ZFPM1: variants seen among roughly 807,000 people sequenced by gnomAD.
ZFPM1 encodes the protein zinc finger protein, FOG family member 1, also known as zinc finger protein ZFPM1.
ZFPM1 carries 28 observed loss-of-function variants against 46.3 expected under a neutral mutation model. The observed-to-expected ratio is 0.60, with a 90% CI of 0.45 to 0.83. The LOEUF (loss-of-function observed/expected upper bound fraction) is 0.83, where lower values mean the gene tolerates loss of function less well. Ranked by LOEUF, ZFPM1 falls within the 40% of genes least tolerant of loss-of-function variation. The pLI, the probability that ZFPM1 is intolerant of heterozygous loss-of-function variation, is 0.00. For missense variants in ZFPM1, 1,878 were observed against 1,432.4 expected (o/e 1.31, Z -5.02); for synonymous variants, 957 against 675.9 (o/e 1.42, Z -6.45).
At chr16:88,478,034 A>T (rs1908762226) in intron 1 of ZFPM1, among the ~76,000 whole-genome samples, 1 of 151,836 alleles carries the variant, frequency 6.6e-6, no homozygotes, top group Non-Finnish European at 1.5e-5. Context: ...CGAGCTCCCC[A>T]TGGCAGGGTG....
chr16:88,534,224 CCCCCCCCGCCGCCCGGCCACG>C lies in ZFPM1; in HGVS notation c.2272_2292del (p.Pro758_Pro764del). On this transcript the variant is annotated inframe_deletion, in exon 10 of 10. Transcript: ENST00000319555. ...CGAGCTGCACGCGGCCGGCGCCCCGCCCCCCCCGCCGCCCGGCCACGCCCCCGCGCCCGAGTCGCCGCGGCC... is the reference window on the plus strand; with the variant it reads ...CGAGCTGCACGCGGCCGGCGCCCCGCCCCCCGCGCCCGAGTCGCCGCGGCC... 1.0e-6 allele frequency: 1 copy of C among 976,884 alleles called. No homozygotes were observed. The highest frequency in any genetic ancestry group is 1.2e-6 in the Non-Finnish European group (1 of 825,184). 60.5% of individuals were successfully genotyped at this position (976,884 alleles called of 1,614,324 possible). A position where few individuals can be genotyped will look rare whatever the true frequency, so the allele number is the denominator to read the frequency against.
rs999035723 is a variant in ZFPM1, at chr16:88,497,079, A to G, written c.268+7926A>G. Among the ~76,000 whole-genome samples, 13 of 152,220 alleles carry G rather than the reference A, an allele frequency of 8.5e-5. No homozygotes were observed. The highest frequency in any genetic ancestry group is 2.9e-4 in the African/African-American group (12 of 41,460). Reference sequence around the variant, plus strand: ...GACCTGGAGCTCTCCCAGGACCACTATGGACAAGGTGAATTCCAGCTGATC... The same window carrying G: ...GACCTGGAGCTCTCCCAGGACCACTGTGGACAAGGTGAATTCCAGCTGATC... On this transcript the variant is annotated intron_variant, in intron 3 of 9. Coordinates refer to ENST00000319555, the MANE Select transcript of ZFPM1 (RefSeq NM_153813.3). This position sits in a 1 kb window ranked among gnomAD's most constrained non-coding sequence, Gnocchi z 5.4.
intron 2 of ZFPM1, among the ~76,000 whole-genome samples, chr16:88,488,355 G>A (rs534462947): frequency 7.9e-5 from 12 of 152,230 alleles, no homozygotes; most frequent in Non-Finnish European, 1.5e-4. Context: ...GGCACCGCCC[G>A]TAGTGATAGC....
chr16:88,532,763 C>G, intron 8 of ZFPM1, 26 bp from the exon 9 acceptor site: 1 of 1,612,986 alleles, frequency 6.2e-7, no homozygotes, highest in Non-Finnish European at 8.5e-7. Flanking sequence ...CGCCCTGGGC[C>G]TTGACCACCT....
At chr16:88,524,059 C>T (rs72807421) in intron 4 of ZFPM1, among the ~76,000 whole-genome samples, 2,143 of 152,310 alleles carry the variant, frequency 0.014, 21 homozygotes, top group South Asian at 0.043. Flanking sequence ...TTAAACCGGC[C>T]GGCAGGCTGT....
At chr16:88,507,064 C>A (rs28584853) in intron 3 of ZFPM1, among the ~76,000 whole-genome samples, 1 of 152,016 alleles carries the variant, frequency 6.6e-6, no homozygotes, top group Non-Finnish European at 1.5e-5. Flanking sequence ...TATCTGTGAA[C>A]GGGGAAGGGG....
In ZFPM1 at chr16:88,455,920, C is replaced by G. The variant is rs374652073; in HGVS notation, c.40+2242C>G. 1.5e-4 allele frequency among the ~76,000 whole-genome samples: 23 copies of G among 152,286 alleles called. 1 individual carries two copies. Among genetic ancestry groups the G allele is most frequent in the East Asian group, 1.2e-3 (6 of 5,176 alleles). ...CAGCCCGCTGGGTTTTCCTCCCGCC[C>G]GAGTCGATGTGAGCTCCGATAAGAG... On this transcript the variant is annotated intron_variant, in intron 1 of 9. Transcript: ENST00000319555.
chr16:88,508,706 G>A (rs1309745724), intron 3 of ZFPM1, among the ~76,000 whole-genome samples: 2 of 152,224 alleles, frequency 1.3e-5, no homozygotes, highest in Admixed American at 6.5e-5. Flanking sequence ...GAGTTTGCGC[G>A]GAGGTCACGG....
chr16:88,490,002 G>A (rs1909469517), intron 3 of ZFPM1, among the ~76,000 whole-genome samples: 3 of 152,236 alleles, frequency 2.0e-5, no homozygotes, highest in African/African-American at 4.8e-5. Context: ...GGACAGCGTG[G>A]GGAGGGGCAG....
chr16:88,502,609 G>A (rs1354688110), intron 3 of ZFPM1, among the ~76,000 whole-genome samples: 1 of 152,196 alleles, frequency 6.6e-6, no homozygotes, highest in African/African-American at 2.4e-5. Flanking sequence ...CAGTGGCCTT[G>A]GTGACCCCCC....
chr16:88,453,758 TC>T, intron 1 of ZFPM1, 80 bp downstream of exon 1: 1 of 886,230 alleles, frequency 1.1e-6, no homozygotes, highest in Non-Finnish European at 1.4e-6. Flanking sequence ...CCCCCGCCCG[TC>T]CCCGCTCTGC....
intron 1 of ZFPM1, among the ~76,000 whole-genome samples, chr16:88,475,916 T>G (rs1013223701): frequency 6.6e-6 from 1 of 152,066 alleles, no homozygotes; most frequent in African/African-American, 2.4e-5. Flanking sequence ...GGCGTGGCTG[T>G]GGGCCCAGGG....
rs372010348 is a variant in ZFPM1, at chr16:88,524,980, C to G, written c.403-1834C>G. ...GCCAGCTTAGCTCTGCTCACCCGTT[C>G]TGTGGCTGAGCCGTGTGGTAGCAGG... On this transcript the variant is annotated intron_variant, in intron 4 of 9. Transcript: ENST00000319555. Among the ~76,000 whole-genome samples the G allele has an allele frequency of 3.4e-4, 52 of 152,374 alleles. 1 individual carries two copies. The East Asian group carries it at 5.8e-3, about 17-fold the overall frequency.
chr16:88,495,322 G>A (rs1011422343), intron 3 of ZFPM1, among the ~76,000 whole-genome samples: 2 of 152,202 alleles, frequency 1.3e-5, no homozygotes, highest in Admixed American at 6.5e-5. Flanking sequence ...CCTGGAGTGT[G>A]GAATCCCCTC....
At position 88,531,917 on chromosome 16, in the gene ZFPM1, C is replaced by T. The variant is rs1032082110; in HGVS notation, c.713-85C>T. The T allele has an allele frequency of 1.1e-5, 15 of 1,358,620 alleles. No individual in the cohort carries two copies. The African/African-American group carries it at 1.5e-4, about 13-fold the overall frequency. The allele number at this position is 1,358,620 out of a possible 1,614,324, so 84.2% of individuals were successfully genotyped here. ...GTGGGGAGGACGGTGGGGTCCGTCA[C>T]GGCCAGGCCCTGCCTCCGCCCACAG... On this transcript the variant is annotated intron_variant, in intron 6 of 9. Transcript: ENST00000319555.
intron 3 of ZFPM1, 107 bp from the exon 4 acceptor site, chr16:88,514,280 C>T (rs1331018770): frequency 2.0e-6 from 3 of 1,495,562 alleles, no homozygotes; most frequent in African/African-American, 1.4e-5. Flanking sequence ...TCACCCCAGG[C>T]CCCCAGGACT....
At chr16:88,527,340 G>C (rs1250188534) in intron 5 of ZFPM1, among the ~76,000 whole-genome samples, 1 of 152,212 alleles carries the variant, frequency 6.6e-6, no homozygotes, top group Non-Finnish European at 1.5e-5. Flanking sequence ...AACGGTCAAG[G>C]TGGCCGTCCA....
chr16:88,502,894 G>A (rs1317796671), intron 3 of ZFPM1, among the ~76,000 whole-genome samples: 6 of 152,366 alleles, frequency 3.9e-5, no homozygotes, highest in Middle Eastern at 3.4e-3. Context: ...TGCACACACG[G>A]TGGCCGGACG....
At chr16:88,491,025 C>G (rs1315397886) in intron 3 of ZFPM1, among the ~76,000 whole-genome samples, 1 of 149,336 alleles carries the variant, frequency 6.7e-6, no homozygotes, top group African/African-American at 2.5e-5. Flanking sequence ...TCGGGGCTCT[C>G]GGTCAGGCGC....
Sources: allele counts gnomAD v4.1 joint callset (sites outside exome capture counted in the v4.1 genomes callset), GRCh38; gene constraint gnomAD v4.1.1; non-coding constraint Gnocchi (gnomAD v3.1); transcripts MANE v1.5; gene names NCBI Gene and HGNC (gene_info 2026-07-23, HGNC 2026-07-21).